Variants in SFRP2 observed in about 807,000 individuals in gnomAD.
SFRP2 encodes secreted frizzled-related protein 2.
A neutral mutation model predicts 26.0 loss-of-function variants in SFRP2; 16 were observed. That is an observed-to-expected ratio of 0.61 (90% CI 0.42 to 0.93). The LOEUF (loss-of-function observed/expected upper bound fraction) is 0.93, where lower values mean the gene tolerates loss of function less well. Among genes scored for constraint, SFRP2 ranks in the 40% least tolerant of loss-of-function variants. The pLI is 0.00. For missense variants in SFRP2, 343 were observed against 392.4 expected (o/e 0.87, Z 1.06); for synonymous variants, 173 against 167.3 (o/e 1.03, Z -0.26).
At chr4:153,786,043 C>A in intron 1 of SFRP2, 99 bp from the exon 2 acceptor site, 3 of 592,686 alleles carry the variant, frequency 5.1e-6, no homozygotes, top group Non-Finnish European at 5.6e-6. Context: ...ACAAAAGTAG[C>A]AATTGTCCTA....
Position 153,781,282 on chromosome 4 carries a change from T to A in SFRP2, c.*169A>T. 9.7e-6 allele frequency: 6 copies of A among 617,598 alleles called. No individual in the cohort carries two copies. Among genetic ancestry groups the A allele is most frequent in the Non-Finnish European group, 1.7e-5 (6 of 352,024 alleles). 38.3% of individuals were successfully genotyped at this position (617,598 alleles called of 1,614,324 possible). On this transcript the variant is annotated 3_prime_UTR_variant, in exon 3 of 3. Transcript: ENST00000274063. The stretch of plus-strand genomic sequence containing the variant: ...ACAGCTATCCACTCCTGTGGCCTTA[T>A]AACTCAGGAAATGCTGGGGATGCAA...
At position 153,781,354 on chromosome 4, in the gene SFRP2, C is replaced by A; in HGVS notation, c.*97G>T. ...GCTGCCCAGGCTGAGACTGGAGCAG[C>A]TAGGAGTGTGCTTGGGGAACGGGAG... On this transcript the variant is annotated 3_prime_UTR_variant, in exon 3 of 3. Transcript: ENST00000274063. 2.6e-6 allele frequency: 3 copies of A among 1,144,852 alleles called. 1 individual carries two copies. In the South Asian group the frequency reaches 4.2e-5, roughly 16 times the overall value. 70.9% of individuals were successfully genotyped at this position (1,144,852 alleles called of 1,614,324 possible). A position where few individuals can be genotyped will look rare whatever the true frequency, so the allele number is the denominator to read the frequency against.
rs191841123 is a variant in SFRP2 at position 153,782,234 on chromosome 4, C to T, written c.584-479G>A. Among the ~76,000 whole-genome samples the T allele has an allele frequency of 1.9e-3, 288 of 152,286 alleles. 1 individual carries two copies. Among genetic ancestry groups the T allele is most frequent in the African/African-American group, 6.7e-3 (280 of 41,560 alleles). ...ACAAACCTGTAAGGAAACTGTGTCA[C>T]GCAATCATTGTTTTCTAAAGATCAG... is the stretch of plus-strand genomic sequence containing the variant. On this transcript the variant is annotated intron_variant, in intron 2 of 2. Coordinates refer to ENST00000274063, the MANE Select transcript of SFRP2 (RefSeq NM_003013.3).
chr4:153,788,374 G>A lies in SFRP2; in HGVS notation c.462C>T (p.Pro154=), dbSNP rs748185168. The A allele has an allele frequency of 2.3e-5, 37 of 1,613,248 alleles. No individual in the cohort carries two copies. Among genetic ancestry groups the A allele is most frequent in the Non-Finnish European group, 2.2e-5 (26 of 1,179,720 alleles). Residue 154 remains proline (P), a synonymous_variant, in exon 1 of 3, where the codon CCC becomes CCT. Coordinates refer to ENST00000274063, the MANE Select transcript of SFRP2 (RefSeq NM_003013.3). ...RFPQDNDLCI[P]LASSDHLLPA... ...GCAGGAGGTGGTCGCTGCTAGCGAG[G>A]GGGATGCAAAGGTCGTTGTCCTGGG...
At chr4:153,788,243 G>T in intron 1 of SFRP2, 91 bp downstream of exon 1, 1 of 1,421,796 alleles carries the variant, frequency 7.0e-7, no homozygotes. Flanking sequence ...GGCACCCCAA[G>T]CAGGGATGCA....
chr4:153,782,221 G>A (rs1186775236), intron 2 of SFRP2, among the ~76,000 whole-genome samples: 3 of 152,214 alleles, frequency 2.0e-5, no homozygotes, highest in Non-Finnish European at 4.4e-5. Flanking sequence ...AAACCTGTAA[G>A]GAAACTGTGT....
At chr4:153,785,220 A>C (rs954022926) in intron 2 of SFRP2, among the ~76,000 whole-genome samples, 9 of 152,266 alleles carry the variant, frequency 5.9e-5, no homozygotes, top group Admixed American at 2.6e-4. Context: ...TAGTCATACA[A>C]AATTTACAAA....
chr4:153,782,678 T>A (rs1741140063), intron 2 of SFRP2, among the ~76,000 whole-genome samples: 1 of 152,204 alleles, frequency 6.6e-6, no homozygotes, highest in Non-Finnish European at 1.5e-5. Flanking sequence ...GAATCTTAAA[T>A]CCAGAGAAGT....
chr4:153,786,303 CA>C (rs1560811185), intron 1 of SFRP2, among the ~76,000 whole-genome samples: 1 of 152,198 alleles, frequency 6.6e-6, no homozygotes, highest in Non-Finnish European at 1.5e-5. Context: ...CTGGGAAATT[CA>C]GTCTGAAAAA....
At chr4:153,786,781 T>C (rs9799574) in intron 1 of SFRP2, among the ~76,000 whole-genome samples, 149,835 of 152,072 alleles carry the variant, frequency 0.99, 73,844 homozygotes, top group Middle Eastern at 1. Flanking sequence ...CTGATCAAAC[T>C]TAGGGATTGT....
In SFRP2 at chr4:153,781,329, G is replaced by C. The variant is rs1288163421; in HGVS notation, c.*122C>G. 1.1e-6 allele frequency: 1 copy of C among 874,522 alleles called. No homozygotes were observed. The highest frequency in any genetic ancestry group is 1.8e-6 in the Non-Finnish European group (1 of 568,710). The allele number at this position is 874,522 out of a possible 1,614,324, so 54.2% of individuals were successfully genotyped here. On this transcript the variant is annotated 3_prime_UTR_variant, in exon 3 of 3. Transcript: ENST00000274063. Reference sequence around the variant, plus strand: ...GCAAACGTGCAAAAGGCAGGGGGAAGCTGCCCAGGCTGAGACTGGAGCAGC... The same window carrying C: ...GCAAACGTGCAAAAGGCAGGGGGAACCTGCCCAGGCTGAGACTGGAGCAGC...
intron 2 of SFRP2, among the ~76,000 whole-genome samples, chr4:153,784,666 T>A (rs1408894429): frequency 2.6e-5 from 4 of 152,246 alleles, no homozygotes; most frequent in African/African-American, 9.6e-5. Flanking sequence ...GTAAGGAGAG[T>A]GAGAGCTGGA....
intron 2 of SFRP2, among the ~76,000 whole-genome samples, chr4:153,782,870 G>C (rs960261689): frequency 2.6e-5 from 4 of 152,056 alleles, no homozygotes; most frequent in African/African-American, 9.7e-5. Context: ...CAGCTATTCT[G>C]TATAGATGAT....
chr4:153,788,112 G>A (rs146054481), intron 1 of SFRP2, among the ~76,000 whole-genome samples: 1 of 152,226 alleles, frequency 6.6e-6, no homozygotes, highest in Non-Finnish European at 1.5e-5. Context: ...AAGTATAGCT[G>A]GTACAACTCG....
intron 1 of SFRP2, 101 bp from the exon 2 acceptor site, chr4:153,786,045 A>G: frequency 1.7e-6 from 1 of 591,654 alleles, no homozygotes; most frequent in East Asian, 3.4e-5. Context: ...AAAAGTAGCA[A>G]TTGTCCTATT....
In SFRP2 at chr4:153,788,456, G is replaced by C; in HGVS notation, c.380C>G (p.Pro127Arg). 1 of 1,614,218 alleles carries C rather than the reference G, an allele frequency of 6.2e-7. No homozygotes were observed. The highest frequency in any genetic ancestry group is 8.5e-7 in the Non-Finnish European group (1 of 1,180,044). Residue 127 changes from proline (P) to arginine (R), a missense_variant, in exon 1 of 3, where the codon CCG becomes CGG. Physicochemically the swap from Pro to Arg is moderately radical, Grantham distance 103. Transcript: ENST00000274063. Reference protein sequence around the residue: ...LCVQVKDRCAPVMSAFGFPWP... With the variant: ...LCVQVKDRCARVMSAFGFPWP... Reference sequence around the variant, plus strand: ...GGGGAAGCCGAAGGCGGACATGACCGGGGCGCAGCGGTCCTTCACCTGCAC... The same window carrying C: ...GGGGAAGCCGAAGGCGGACATGACCCGGGCGCAGCGGTCCTTCACCTGCAC...
At chr4:153,786,698 A>G (rs1741214974) in intron 1 of SFRP2, among the ~76,000 whole-genome samples, 1 of 152,090 alleles carries the variant, frequency 6.6e-6, no homozygotes, top group South Asian at 2.1e-4. Flanking sequence ...CCTGTTTCAA[A>G]CTCTCAAAAC....
At chr4:153,787,716 G>A (rs981282612) in intron 1 of SFRP2, among the ~76,000 whole-genome samples, 2 of 152,234 alleles carry the variant, frequency 1.3e-5, no homozygotes, top group Admixed American at 1.3e-4. Context: ...AAGTATCTGA[G>A]CAGTTACAAC....
chr4:153,788,267 CA>C (rs1375357925), intron 1 of SFRP2, 66 bp downstream of exon 1: 1 of 1,544,632 alleles, frequency 6.5e-7, no homozygotes, highest in Non-Finnish European at 8.8e-7. Context: ...GGATGCGTGG[CA>C]GGGGCGGGAT....
Sources: gnomAD v4.1 joint callset for allele counts (sites outside exome capture counted in the v4.1 genomes callset) on GRCh38, gnomAD v4.1.1 for gene constraint, MANE v1.5 for transcripts, NCBI Gene and HGNC (gene_info 2026-07-23, HGNC 2026-07-21) for gene names.